Variants in DPP10 observed in about 807,000 individuals in gnomAD.
DPP10 encodes inactive dipeptidyl peptidase 10.
In DPP10, 33 loss-of-function variants were observed where a neutral mutation model predicts 120.9. The observed-to-expected ratio is 0.27, with a 90% CI of 0.21 to 0.37. DPP10 has a LOEUF of 0.37. DPP10 is among the 10% of genes least tolerant of loss of function. DPP10 has a pLI of 1.00. For synonymous variants in DPP10, 337 were observed against 326.1 expected (o/e 1.03, Z -0.36); for missense variants, 816 against 942.8 (o/e 0.87, Z 1.76).
chr2:114,982,973 A>G (rs1700180475), intron 1 of DPP10, among the ~76,000 whole-genome samples: 1 of 152,164 alleles, frequency 6.6e-6, no homozygotes, highest in Non-Finnish European at 1.5e-5. Context: ...TTGTCCTACT[A>G]AACTATTATT....
intron 1 of DPP10, among the ~76,000 whole-genome samples, chr2:115,259,432 C>T (rs954519803): frequency 2.0e-5 from 3 of 149,930 alleles, no homozygotes; most frequent in Non-Finnish European, 3.0e-5. Context: ...TGCAGTGAGC[C>T]GAGATCGCAC....
At chr2:114,691,690 C>T (rs1352003811) in intron 1 of DPP10, among the ~76,000 whole-genome samples, 1 of 151,920 alleles carries the variant, frequency 6.6e-6, no homozygotes, top group African/African-American at 2.4e-5. Context: ...GTAGAATTCA[C>T]CTGTGAATCT....
intron 3 of DPP10, among the ~76,000 whole-genome samples, chr2:115,412,983 A>G (rs1484630959): frequency 6.6e-6 from 1 of 152,152 alleles, no homozygotes; most frequent in Non-Finnish European, 1.5e-5. Context: ...TTTAAATACT[A>G]ATATTATCAA....
At chr2:114,530,318 T>C (rs1421717551) in intron 1 of DPP10, among the ~76,000 whole-genome samples, 1 of 152,112 alleles carries the variant, frequency 6.6e-6, no homozygotes, top group Non-Finnish European at 1.5e-5. Context: ...TAATAGTTAT[T>C]GGGTAAATAA....
intron 4 of DPP10, among the ~76,000 whole-genome samples, chr2:115,500,135 T>C (rs2076608223): frequency 1.3e-5 from 2 of 151,984 alleles, no homozygotes. Context: ...AATTATTGTT[T>C]GTATTTATAT....
chr2:115,317,861 A>G (rs918426662), intron 2 of DPP10, among the ~76,000 whole-genome samples: 1 of 152,020 alleles, frequency 6.6e-6, no homozygotes, highest in Non-Finnish European at 1.5e-5. Flanking sequence ...TATTCCGGAT[A>G]TTAATCTCTT....
intron 1 of DPP10, among the ~76,000 whole-genome samples, chr2:114,678,326 G>A (rs1450630873): frequency 6.6e-6 from 1 of 151,920 alleles, no homozygotes; most frequent in African/African-American, 2.4e-5. Flanking sequence ...CATTGCTATT[G>A]TTTGATTTTC....
intron 1 of DPP10, among the ~76,000 whole-genome samples, chr2:115,164,449 A>T (rs1308492504): frequency 2.6e-5 from 4 of 152,064 alleles, no homozygotes; most frequent in Admixed American, 2.0e-4. Context: ...AATATTTCAT[A>T]AAAAAGATTC....
chr2:115,680,145 A>G (rs551762384), intron 5 of DPP10, among the ~76,000 whole-genome samples: 20 of 152,126 alleles, frequency 1.3e-4, no homozygotes, highest in Middle Eastern at 3.5e-3. Context: ...CAAAAATTTT[A>G]AAATTTTCTA....
At chr2:114,667,160 A>G (rs1697988295) in intron 1 of DPP10, among the ~76,000 whole-genome samples, 1 of 152,216 alleles carries the variant, frequency 6.6e-6, no homozygotes, top group African/African-American at 2.4e-5. Context: ...TGGACTACCC[A>G]TGCTTCATGC....
intron 1 of DPP10, among the ~76,000 whole-genome samples, chr2:114,447,034 A>T (rs998671315): frequency 8.7e-4 from 120 of 138,354 alleles, no homozygotes; most frequent in Non-Finnish European, 1.5e-3. Context: ...TGGTTGTTAA[A>T]TTTTTTTTTT....
At chr2:115,795,973 C>A (rs1684483157) in intron 19 of DPP10, among the ~76,000 whole-genome samples, 1 of 151,996 alleles carries the variant, frequency 6.6e-6, no homozygotes, top group East Asian at 1.9e-4. Flanking sequence ...TGGCAAAATC[C>A]ATATCTGAGA....
At chr2:115,579,920 C>G (rs1490366033) in intron 5 of DPP10, 1 of 152,124 alleles carries the variant, frequency 6.6e-6, no homozygotes, top group Non-Finnish European at 1.5e-5. Context: ...GAACTCATCA[C>G]CTAGGTATTA....
chr2:114,597,864 A>G (rs986748650), intron 1 of DPP10, among the ~76,000 whole-genome samples: 1 of 151,860 alleles, frequency 6.6e-6, no homozygotes, highest in African/African-American at 2.4e-5. Flanking sequence ...CTGAAACTTG[A>G]TCCTTGATTC....
At chr2:114,663,236 T>TTG (rs200462192) in intron 1 of DPP10, among the ~76,000 whole-genome samples, 2 of 139,086 alleles carry the variant, frequency 1.4e-5, no homozygotes, top group African/African-American at 5.0e-5. Flanking sequence ...ATTAAGAGCC[T>TTG]TGTGTGTGTA....
At chr2:115,440,287 A>T (rs189078622) in intron 3 of DPP10, among the ~76,000 whole-genome samples, 2 of 152,150 alleles carry the variant, frequency 1.3e-5, no homozygotes, top group African/African-American at 4.8e-5. Context: ...AGATTATTAT[A>T]CTGGCATTAT....
intron 15 of DPP10, among the ~76,000 whole-genome samples, chr2:115,778,328 G>C (rs551569120): frequency 2.6e-5 from 4 of 152,040 alleles, no homozygotes; most frequent in Non-Finnish European, 5.9e-5. Flanking sequence ...GCAGGAGGAG[G>C]CATCCTTATT....
At chr2:114,832,324 G>A (rs1687210269) in intron 1 of DPP10, among the ~76,000 whole-genome samples, 1 of 152,164 alleles carries the variant, frequency 6.6e-6, no homozygotes, top group Admixed American at 6.5e-5. Flanking sequence ...AGGAGGTCAG[G>A]AGATCGAGAC....
intron 19 of DPP10, among the ~76,000 whole-genome samples, chr2:115,809,642 G>A (rs771694530): frequency 2.0e-5 from 3 of 151,962 alleles, no homozygotes; most frequent in Non-Finnish European, 4.4e-5. Flanking sequence ...ACAGGTACTC[G>A]TGCAACTGAG....
Sources: gnomAD v4.1 joint callset for allele counts (sites outside exome capture counted in the v4.1 genomes callset) on GRCh38, gnomAD v4.1.1 for gene constraint, MANE v1.5 for transcripts, NCBI Gene and HGNC (gene_info 2026-07-23, HGNC 2026-07-21) for gene names.